Variants in MCPH1 observed in about 807,000 individuals in gnomAD.
The protein encoded by MCPH1 is microcephalin.
In MCPH1, 104 loss-of-function variants were observed where a neutral mutation model predicts 84.5. The ratio of observed to expected loss-of-function variants is 1.23; its 90% confidence interval spans 1.05 to 1.45. The LOEUF (loss-of-function observed/expected upper bound fraction) is 1.45, where lower values mean the gene tolerates loss of function less well. Among genes scored for constraint, MCPH1 ranks in the 40% most tolerant of loss-of-function variants. The probability of loss-of-function intolerance (pLI) is 0.00; values close to 1 mark genes in which losing one functional copy is unlikely to be tolerated. For missense variants in MCPH1, 1,498 were observed against 1,005.7 expected, an observed-to-expected ratio of 1.49 and a Z score of -6.62; for synonymous variants, 514 against 366.8, an observed-to-expected ratio of 1.40 and a Z score of -4.58.
At chr8:6,484,081 T>G (rs1342531475) in intron 11 of MCPH1, among the ~76,000 whole-genome samples, 1 of 152,194 alleles carries the variant, frequency 6.6e-6, no homozygotes, top group African/African-American at 2.4e-5. Flanking sequence ...TAAGTTAGAT[T>G]TCATCAAAAT....
chr8:6,560,608 A>T (rs1202376136), intron 12 of MCPH1, among the ~76,000 whole-genome samples: 1 of 152,210 alleles, frequency 6.6e-6, no homozygotes, highest in Non-Finnish European at 1.5e-5. Flanking sequence ...GATAAACATT[A>T]AGTCATTCTT....
chr8:6,604,048 G>A (rs939476569), intron 12 of MCPH1, among the ~76,000 whole-genome samples: 1 of 147,550 alleles, frequency 6.8e-6, no homozygotes, highest in Admixed American at 6.8e-5. Context: ...CCTTTGATCC[G>A]CACACACACC....
chr8:6,499,839 G>T lies in MCPH1; in HGVS notation c.2137-13G>T, dbSNP rs140013412. ...TAAATGTATAATAAATCTGCTTGTT[G>T]TGTCACTTGCAGGTGCTATGGTCTT... On this transcript the variant is annotated splice_polypyrimidine_tract_variant and intron_variant, in intron 11 of 13. Transcript: ENST00000344683. 14 of 1,611,876 alleles carry T rather than the reference G, an allele frequency of 8.7e-6. 1 individual carries two copies. In the East Asian group the frequency reaches 1.1e-4, roughly 13 times the overall value.
chr8:6,543,861 C>G (rs887313783), intron 12 of MCPH1, among the ~76,000 whole-genome samples: 1 of 152,166 alleles, frequency 6.6e-6, no homozygotes, highest in African/African-American at 2.4e-5. Context: ...AGGAGCTGTA[C>G]ATCTGCCTGG....
rs576707411 is a variant in MCPH1 at position 6,418,451 on chromosome 8, T to A, written c.233+3568T>A. Among the ~76,000 whole-genome samples the A allele has an allele frequency of 2.1e-3, 325 of 152,332 alleles. 2 individuals are homozygous for A. Among genetic ancestry groups the A allele is most frequent in the African/African-American group, 7.6e-3 (318 of 41,580 alleles). On this transcript the variant is annotated intron_variant, in intron 3 of 13. Coordinates refer to ENST00000344683, the MANE Select transcript of MCPH1 (RefSeq NM_024596.5). ...GTATAGCTTATAGTTCACCTATATT[T>A]GTATATTGGTTTGTTAGGCATAAAC... is the stretch of plus-strand genomic sequence containing the variant.
intron 12 of MCPH1, among the ~76,000 whole-genome samples, chr8:6,535,818 C>T (rs557315442): frequency 2.0e-5 from 3 of 151,198 alleles, no homozygotes; most frequent in African/African-American, 7.3e-5. Context: ...GAGGCCGAGG[C>T]AGGAGGATTG....
chr8:6,513,335 CTTTT>C (rs1189719867), intron 12 of MCPH1, among the ~76,000 whole-genome samples: 1 of 143,228 alleles, frequency 7.0e-6, no homozygotes, highest in Non-Finnish European at 1.5e-5. Flanking sequence ...TTTTCTTTTT[CTTTT>C]TTTTTTTTTT....
At chr8:6,550,459 C>T (rs899666767) in intron 12 of MCPH1, among the ~76,000 whole-genome samples, 1 of 152,230 alleles carries the variant, frequency 6.6e-6, no homozygotes, top group Non-Finnish European at 1.5e-5. Context: ...GCATCCAGCG[C>T]GTCCTCACCT....
At chr8:6,462,651 T>C (rs2916740) in intron 9 of MCPH1, among the ~76,000 whole-genome samples, 38,422 of 152,132 alleles carry the variant, frequency 0.25, 6,945 homozygotes, top group African/African-American at 0.51. Flanking sequence ...CCCATCTCTG[T>C]TACTCACCTG....
At chr8:6,444,283 T>A in intron 7 of MCPH1, 110 bp from the exon 8 acceptor site, 4 of 1,270,078 alleles carry the variant, frequency 3.1e-6, no homozygotes, top group Non-Finnish European at 4.4e-6. Context: ...GTTAATAGTC[T>A]TCTTAACTAA....
In MCPH1 at chr8:6,513,955, C is replaced by G. The variant is rs1982386; in HGVS notation, c.2214+14026C>G. ...AATAACTATCAAATAGCAGAAATTC[C>G]TTCTGGTGCTGTGACAATTTAGGGT... On this transcript the variant is annotated intron_variant, in intron 12 of 13. Transcript: ENST00000344683. 2,637 of 1,052,964 alleles carry G rather than the reference C, an allele frequency of 2.5e-3. 8 individuals carry two copies. Among genetic ancestry groups the G allele is most frequent in the Non-Finnish European group, 3.2e-3 (2,395 of 744,812 alleles). 65.2% of individuals were successfully genotyped at this position (1,052,964 alleles called of 1,614,324 possible). A position where few individuals can be genotyped will look rare whatever the true frequency, so the allele number is the denominator to read the frequency against.
intron 12 of MCPH1, among the ~76,000 whole-genome samples, chr8:6,617,944 T>TATCTATCG (rs10667925): frequency 6.6e-6 from 1 of 151,838 alleles, no homozygotes; most frequent in Non-Finnish European, 1.5e-5. Flanking sequence ...TCTATCTATC[T>TATCTATCG]TTCTATCTAT....
chr8:6,434,494 AG>A (rs1282227508), intron 4 of MCPH1, among the ~76,000 whole-genome samples: 1 of 152,200 alleles, frequency 6.6e-6, no homozygotes, highest in Non-Finnish European at 1.5e-5. Flanking sequence ...GCCGGTTCCA[AG>A]CCTGTTGAAA....
intron 2 of MCPH1, among the ~76,000 whole-genome samples, chr8:6,410,269 C>T (rs887802054): frequency 9.9e-5 from 15 of 151,908 alleles, no homozygotes; most frequent in Admixed American, 1.3e-4. Context: ...CCACCGAGCC[C>T]GGCCAGGAGT....
intron 12 of MCPH1, among the ~76,000 whole-genome samples, chr8:6,512,658 C>T (rs944942698): frequency 1.3e-5 from 2 of 152,084 alleles, no homozygotes; most frequent in African/African-American, 4.8e-5. Flanking sequence ...CATTACTGTG[C>T]ATGTGGCTTC....
intron 12 of MCPH1, chr8:6,509,088 A>T (rs1814395779): frequency 1.2e-6 from 2 of 1,609,948 alleles, no homozygotes; most frequent in East Asian, 4.5e-5. Flanking sequence ...GAAAAAAAAC[A>T]CATTGGCTAG....
chr8:6,559,171 G>A (rs904139626), intron 12 of MCPH1, among the ~76,000 whole-genome samples: 1 of 151,644 alleles, frequency 6.6e-6, no homozygotes, highest in Non-Finnish European at 1.5e-5. Context: ...ACCAAGCCCT[G>A]GGTTTTATTG....
At chr8:6,546,164 G>T (rs1009369647) in intron 12 of MCPH1, among the ~76,000 whole-genome samples, 1 of 152,238 alleles carries the variant, frequency 6.6e-6, no homozygotes, top group Non-Finnish European at 1.5e-5. Context: ...AAAATTAAGT[G>T]GAATGAGTTA....
At chr8:6,598,630 C>G (rs1158065326) in intron 12 of MCPH1, among the ~76,000 whole-genome samples, 2 of 152,222 alleles carry the variant, frequency 1.3e-5, no homozygotes, top group Non-Finnish European at 2.9e-5. Context: ...TTCCCCCAAG[C>G]GACCCCAATG....
Sources: allele counts gnomAD v4.1 joint callset (sites outside exome capture counted in the v4.1 genomes callset), GRCh38; gene constraint gnomAD v4.1.1; transcripts MANE v1.5; gene names NCBI Gene and HGNC (gene_info 2026-07-23, HGNC 2026-07-21).